Variants in PRKG1 observed in about 807,000 individuals in gnomAD.
PRKG1 encodes cGMP-dependent protein kinase 1.
PRKG1 carries 35 observed loss-of-function variants against 88.1 expected under a neutral mutation model. The observed-to-expected ratio is 0.40, with a 90% confidence interval of 0.30 to 0.53. The LOEUF is 0.53. Ranked by LOEUF, PRKG1 falls within the 20% of genes least tolerant of loss-of-function variation. The pLI is 0.59. For missense variants in PRKG1, 540 were observed against 839.8 expected (o/e 0.64, Z 4.41); for synonymous variants, 303 against 292.5 (o/e 1.04, Z -0.37).
chr10:52,075,540 T>A (rs1846607391), intron 7 of PRKG1, among the ~76,000 whole-genome samples: 1 of 152,222 alleles, frequency 6.6e-6, no homozygotes, highest in Non-Finnish European at 1.5e-5. Flanking sequence ...GGTATTGATA[T>A]CAAGTTAGAC....
At chr10:51,509,694 A>G (rs1589030695) in intron 3 of PRKG1, among the ~76,000 whole-genome samples, 1 of 152,102 alleles carries the variant, frequency 6.6e-6, no homozygotes, top group Non-Finnish European at 1.5e-5. Context: ...AATACCTAAT[A>G]TGGTCCACAC....
At position 51,503,317 on chromosome 10, in the gene PRKG1, A is replaced by C. The variant is rs1204409723; in HGVS notation, c.592+35481A>C. Among the ~76,000 whole-genome samples, 9 of 152,280 alleles carry C rather than the reference A, an allele frequency of 5.9e-5. No individual in the cohort carries two copies. The East Asian group carries it at 1.7e-3, about 29-fold the overall frequency. On this transcript the variant is annotated intron_variant, in intron 3 of 17. Transcript: ENST00000373980. ...AAGGAAACATTTTCTTATAAATTAAAGACAAAATACCTCCCCTGTAGCCCA... is the reference window on the plus strand; with the variant it reads ...AAGGAAACATTTTCTTATAAATTAACGACAAAATACCTCCCCTGTAGCCCA...
At chr10:51,960,555 T>G (rs1004706866) in intron 5 of PRKG1, among the ~76,000 whole-genome samples, 2 of 151,894 alleles carry the variant, frequency 1.3e-5, no homozygotes, top group Non-Finnish European at 2.9e-5. Context: ...GTTCATGTAG[T>G]GTCACATTGA....
chr10:51,389,740 C>A (rs1331643783), intron 2 of PRKG1, among the ~76,000 whole-genome samples: 1 of 151,904 alleles, frequency 6.6e-6, no homozygotes, highest in Admixed American at 6.6e-5. Flanking sequence ...AATTACTTCC[C>A]ATATACAGAT....
chr10:51,492,645 C>T (rs888959973), intron 3 of PRKG1, among the ~76,000 whole-genome samples: 6 of 151,972 alleles, frequency 3.9e-5, no homozygotes, highest in Non-Finnish European at 8.8e-5. Context: ...AATTTAAACA[C>T]AGAAATATAC....
chr10:51,029,636 T>G (rs1294598666), intron 1 of PRKG1, among the ~76,000 whole-genome samples: 1 of 152,146 alleles, frequency 6.6e-6, no homozygotes, highest in Non-Finnish European at 1.5e-5. Context: ...TAGGTTCCAG[T>G]CCCAACTCTG....
intron 1 of PRKG1, among the ~76,000 whole-genome samples, chr10:51,084,029 G>A (rs1210398948): frequency 6.6e-6 from 1 of 152,164 alleles, no homozygotes; most frequent in Admixed American, 6.6e-5. Context: ...GAGTCAGCAA[G>A]GAGCTTTTCT....
At chr10:52,228,174 G>A (rs558952587) in intron 9 of PRKG1, among the ~76,000 whole-genome samples, 4 of 151,898 alleles carry the variant, frequency 2.6e-5, no homozygotes, top group South Asian at 2.1e-4. Flanking sequence ...ACCTTTCATC[G>A]TAATGCAATT....
chr10:51,290,478 CT>C (rs2132221216), intron 2 of PRKG1, among the ~76,000 whole-genome samples: 1 of 152,146 alleles, frequency 6.6e-6, no homozygotes, highest in African/African-American at 2.4e-5. Context: ...CTTTTAGAGA[CT>C]ATTTTTGTAA....
Position 50,991,576 on chromosome 10 carries a change from C to G in PRKG1, c.198C>G (p.Ala66=), listed in dbSNP as rs370991589. 176 of 1,599,628 alleles carry G rather than the reference C, an allele frequency of 1.1e-4. 3 individuals are homozygous for G. In the South Asian group the frequency reaches 1.8e-3, roughly 17 times the overall value. Reference sequence around the variant, plus strand: ...CCACCCGGGCGCAGGGCATCTCGGCCGAGCCGCAGACGTACAGGTCCTTCC... The same window carrying G: ...CCACCCGGGCGCAGGGCATCTCGGCGGAGCCGCAGACGTACAGGTCCTTCC... The change falls in exon 1 of 18, where the codon GCC becomes GCG. Residue 66 remains alanine (A), a synonymous_variant. Coordinates refer to the PRKG1 transcript ENST00000401604. The surrounding 1 kb of genome is among the most constrained non-coding windows in gnomAD (Gnocchi z 4.5).
chr10:52,232,221 C>T (rs1194354357), intron 9 of PRKG1, among the ~76,000 whole-genome samples: 7 of 151,724 alleles, frequency 4.6e-5, no homozygotes, highest in Non-Finnish European at 1.0e-4. Flanking sequence ...GAGAATTGCT[C>T]GAACCCGGGA....
chr10:50,991,273 T>G lies in PRKG1; in HGVS notation c.-106T>G. The G allele has an allele frequency of 7.0e-7, 1 of 1,432,776 alleles. No individual in the cohort carries two copies. The highest frequency in any genetic ancestry group is 9.2e-7 in the Non-Finnish European group (1 of 1,090,802). 88.8% of individuals were successfully genotyped at this position (1,432,776 alleles called of 1,614,324 possible). ...GCTCGAGTACTTAGCGCCCATTCAC[T>G]CGCTCACCCGCGCTCTCCGCTGCCG... On this transcript the variant is annotated 5_prime_UTR_variant, in exon 1 of 18. Coordinates refer to the PRKG1 transcript ENST00000401604. The surrounding 1 kb of genome is among the most constrained non-coding windows in gnomAD (Gnocchi z 4.5).
intron 2 of PRKG1, among the ~76,000 whole-genome samples, chr10:51,400,543 G>A (rs1262953145): frequency 2.0e-5 from 3 of 152,158 alleles, no homozygotes; most frequent in Admixed American, 6.6e-5. Flanking sequence ...ACATCCAGAC[G>A]TAGAAAGAAA....
chr10:51,236,013 G>C (rs1299681971), intron 2 of PRKG1, among the ~76,000 whole-genome samples: 1 of 152,140 alleles, frequency 6.6e-6, no homozygotes, highest in African/African-American at 2.4e-5. Context: ...AGAGTTTCTG[G>C]TGTAGCTGCT....
intron 2 of PRKG1, among the ~76,000 whole-genome samples, chr10:51,386,275 A>G (rs549753999): frequency 6.6e-6 from 1 of 152,252 alleles, no homozygotes; most frequent in East Asian, 1.9e-4. Flanking sequence ...CTGTTTCTAT[A>G]GCAGTCATGT....
chr10:51,497,861 A>G (rs1246116988), intron 3 of PRKG1, among the ~76,000 whole-genome samples: 1 of 152,148 alleles, frequency 6.6e-6, no homozygotes, highest in Non-Finnish European at 1.5e-5. Flanking sequence ...TTAGAAGAAT[A>G]GTATGGGAGG....
chr10:51,179,424 T>C (rs1837285134), intron 2 of PRKG1, among the ~76,000 whole-genome samples: 1 of 152,264 alleles, frequency 6.6e-6, no homozygotes, highest in African/African-American at 2.4e-5. Context: ...AGGTCATAGC[T>C]AATTATCGGC....
intron 3 of PRKG1, among the ~76,000 whole-genome samples, chr10:51,654,756 A>G (rs997200438): frequency 6.6e-6 from 1 of 152,138 alleles, no homozygotes; most frequent in African/African-American, 2.4e-5. Context: ...TCTTTTACTC[A>G]GATTTGGATA....
chr10:51,893,958 G>A (rs1233378418), intron 4 of PRKG1, among the ~76,000 whole-genome samples: 2 of 152,106 alleles, frequency 1.3e-5, no homozygotes, highest in African/African-American at 4.8e-5. Flanking sequence ...CCAACAGATG[G>A]TTACAATACA....
Sources: allele counts gnomAD v4.1 joint callset (sites outside exome capture counted in the v4.1 genomes callset), GRCh38; gene constraint gnomAD v4.1.1; non-coding constraint Gnocchi (gnomAD v3.1); transcripts MANE v1.5; gene names NCBI Gene and HGNC (gene_info 2026-07-23, HGNC 2026-07-21).